PCDHA10: variants seen among roughly 807,000 people sequenced by gnomAD.
The protein encoded by PCDHA10 is protocadherin alpha-10.
PCDHA10 carries 45 observed loss-of-function variants against 61.2 expected under a neutral mutation model. That is an observed-to-expected ratio of 0.74 (90% CI 0.58 to 0.94). The LOEUF is 0.94. Ranked by LOEUF, PCDHA10 falls within the 40% of genes least tolerant of loss-of-function variation. PCDHA10 has a pLI of 0.00. For synonymous variants in PCDHA10, 602 were observed against 548.8 expected (o/e 1.10, Z -1.35); for missense variants, 1,278 against 1,236.2 (o/e 1.03, Z -0.51).
intron 3 of PCDHA10, among the ~76,000 whole-genome samples, chr5:140,998,569 G>GTT (rs71574497): frequency 0.068 from 10,108 of 149,316 alleles, 392 homozygotes; most frequent in Middle Eastern, 0.14. Flanking sequence ...TTGTAAATAA[G>GTT]TTTTTTTTTT....
At chr5:140,882,814 A>T in intron 1 of PCDHA10, 1 of 1,614,248 alleles carries the variant, frequency 6.2e-7, no homozygotes, top group East Asian at 2.2e-5. Context: ...CTTTGGACGC[A>T]CAAAACAGTC....
rs782226001 is a variant in PCDHA10 at position 140,856,559 on chromosome 5, C to T, written c.511C>T (p.Leu171Phe). The T allele has an allele frequency of 1.9e-6, 3 of 1,598,104 alleles. No individual in the cohort carries two copies. Among genetic ancestry groups the T allele is most frequent in the Non-Finnish European group, 2.6e-6 (3 of 1,167,556 alleles). The stretch of plus-strand genomic sequence containing the variant: ...AGAGAACGCATTGCTTACTTACAAA[C>T]TCAGTCCAAATGAGTATTTTGTTCT... ...VGENALLTYK[L>F]SPNEYFVLDI... Residue 171 changes from leucine (L) to phenylalanine (F), a missense_variant, in exon 1 of 4, where the codon CTC becomes TTC. By Grantham distance (22) the Leu-to-Phe change is conservative (BLOSUM62 0). Coordinates refer to ENST00000307360, the MANE Select transcript of PCDHA10 (RefSeq NM_018901.4).
chr5:140,978,721 A>C (rs2096819896), intron 1 of PCDHA10, among the ~76,000 whole-genome samples: 1 of 152,236 alleles, frequency 6.6e-6, no homozygotes, highest in African/African-American at 2.4e-5. Flanking sequence ...CAAGATTATT[A>C]AATCTGGTCT....
chr5:140,869,431 G>T lies in PCDHA10; in HGVS notation c.2388+10995G>T, dbSNP rs782430805. ...GTGCAGCATCCACCTGGAGGTGATC[G>T]TGGACAGGCCGCTGCAGGTTTTCCA... is the stretch of plus-strand genomic sequence containing the variant. On this transcript the variant is annotated intron_variant, in intron 1 of 3. Transcript: ENST00000307360. The T allele has an allele frequency of 3.7e-6, 6 of 1,614,204 alleles. No individual in the cohort carries two copies. In the South Asian group the frequency reaches 5.5e-5, roughly 15 times the overall value.
rs2094433165 is a variant in PCDHA10, at chr5:140,949,923, G to T, written c.2389-29026G>T. Among the ~76,000 whole-genome samples the T allele has an allele frequency of 2.7e-5, 4 of 150,516 alleles. No homozygotes were observed. In the South Asian group the frequency reaches 8.3e-4, roughly 31 times the overall value. On this transcript the variant is annotated intron_variant, in intron 1 of 3. Coordinates refer to ENST00000307360, the MANE Select transcript of PCDHA10 (RefSeq NM_018901.4). Reference sequence around the variant, plus strand: ...TAATTTTTAGATATAACTATTTTTAGATTTTTTTTAATTTGCATTTTTTAG... The same window carrying T: ...TAATTTTTAGATATAACTATTTTTATATTTTTTTTAATTTGCATTTTTTAG...
In PCDHA10 at chr5:141,011,894, T is replaced by G. The variant is rs1303053966; in HGVS notation, c.*1957T>G. 6.5e-6 allele frequency: 1 copy of G among 153,306 alleles called. No homozygotes were observed. The highest frequency in any genetic ancestry group is 1.5e-5 in the Non-Finnish European group (1 of 68,044). The allele number at this position is 153,306 out of a possible 1,614,324, so 9.5% of individuals were successfully genotyped here. ...AATTTAGAAGTTTGATTAATTATAT[T>G]ATCTATTTAGGCATTAATATAAAAG... On this transcript the variant is annotated 3_prime_UTR_variant, in exon 4 of 4. Transcript: ENST00000307360.
At chr5:140,963,530 A>T (rs1031416091) in intron 1 of PCDHA10, among the ~76,000 whole-genome samples, 29 of 152,216 alleles carry the variant, frequency 1.9e-4, no homozygotes, top group African/African-American at 6.8e-4. Context: ...CAGAAGTCCC[A>T]TTTACTTCAT....
In PCDHA10 at chr5:140,883,376, G is replaced by T. The variant is rs1276182742; in HGVS notation, c.2388+24940G>T. On this transcript the variant is annotated intron_variant, in intron 1 of 3. Transcript: ENST00000307360. The stretch of plus-strand genomic sequence containing the variant: ...AGACACTCAGCCTAGCGCCATTATT[G>T]CCCTAATCAGTGTGTCCGATCGTGA... 25 of 1,613,998 alleles carry T rather than the reference G, an allele frequency of 1.5e-5. No homozygotes were observed. The highest frequency in any genetic ancestry group is 2.0e-5 in the Non-Finnish European group (24 of 1,180,022).
chr5:140,868,356 T>A (rs1465427202), intron 1 of PCDHA10: 1 of 152,118 alleles, frequency 6.6e-6, no homozygotes, highest in Non-Finnish European at 1.5e-5. Flanking sequence ...AGAAAGCAAT[T>A]AAATGTAAAT....
intron 1 of PCDHA10, among the ~76,000 whole-genome samples, chr5:140,964,719 C>T (rs1042863318): frequency 1.3e-5 from 2 of 151,420 alleles, no homozygotes; most frequent in Non-Finnish European, 2.9e-5. Flanking sequence ...ATCAAATTAC[C>T]ACAGCAAACT....
intron 2 of PCDHA10, 72 bp downstream of exon 2, chr5:140,979,079 T>C (rs1019875909): frequency 9.5e-6 from 15 of 1,584,162 alleles, no homozygotes; most frequent in African/African-American, 6.8e-5. Flanking sequence ...TGCATCTCCA[T>C]AGGCCAGAAG....
At chr5:140,951,034 A>G (rs1407307131) in intron 1 of PCDHA10, among the ~76,000 whole-genome samples, 1 of 151,932 alleles carries the variant, frequency 6.6e-6, no homozygotes, top group African/African-American at 2.4e-5. Context: ...TTAATTTCAA[A>G]TATTATATTT....
rs782362205 is a variant in PCDHA10 at position 141,009,960 on chromosome 5, A to G, written c.*23A>G. The G allele has an allele frequency of 6.3e-7, 1 of 1,589,232 alleles. No homozygotes were observed. The highest frequency in any genetic ancestry group is 2.2e-5 in the East Asian group (1 of 44,694). On this transcript the variant is annotated 3_prime_UTR_variant, in exon 4 of 4. Transcript: ENST00000307360. The stretch of plus-strand genomic sequence containing the variant: ...TGAGGTCCTCAAATGGAAACAAGCC[A>G]CTTAGCCAGTTTTTGTAATAATGGC...
In PCDHA10 at chr5:140,996,798, A is replaced by G. The variant is rs528740592; in HGVS notation, c.2537-12829A>G. Among the ~76,000 whole-genome samples, 4 of 152,268 alleles carry G rather than the reference A, an allele frequency of 2.6e-5. No individual in the cohort carries two copies. In the East Asian group the frequency reaches 5.8e-4, roughly 22 times the overall value. ...AGTAGTGCCTCACTCCCTACATCCA[A>G]TCATGCTTTCCAAAAGTAACCACTA... On this transcript the variant is annotated intron_variant, in intron 3 of 3. Coordinates refer to ENST00000307360, the MANE Select transcript of PCDHA10 (RefSeq NM_018901.4).
At chr5:140,987,480 A>C (rs1489888830) in intron 3 of PCDHA10, among the ~76,000 whole-genome samples, 2 of 152,192 alleles carry the variant, frequency 1.3e-5, no homozygotes, top group African/African-American at 4.8e-5. Flanking sequence ...CTTGGGAGTC[A>C]GTGACCCTTT....
intron 1 of PCDHA10, chr5:140,928,551 G>A (rs782615304): frequency 2.5e-6 from 4 of 1,614,044 alleles, no homozygotes; most frequent in Non-Finnish European, 2.5e-6. Context: ...ACAATTATCC[G>A]GTTATCTTGT....
chr5:140,876,662 T>G (rs782771484), intron 1 of PCDHA10: 23 of 1,614,114 alleles, frequency 1.4e-5, no homozygotes, highest in Non-Finnish European at 1.9e-5. Context: ...CCCTTCAAGC[T>G]GGTGTCCACC....
rs1396431858 is a variant in PCDHA10, at chr5:141,010,083, T to C, written c.*146T>C. The C allele has an allele frequency of 1.9e-6, 3 of 1,612,132 alleles. No homozygotes were observed. The African/African-American group carries it at 4.0e-5, about 22-fold the overall frequency. On this transcript the variant is annotated 3_prime_UTR_variant, in exon 4 of 4. Coordinates refer to ENST00000307360, the MANE Select transcript of PCDHA10 (RefSeq NM_018901.4). Reference sequence around the variant, plus strand: ...CTGCAGAAAGTTCCCTGTGTCTGTCTAGAACGCATTTAACAGGTTTTGTCG... The same window carrying C: ...CTGCAGAAAGTTCCCTGTGTCTGTCCAGAACGCATTTAACAGGTTTTGTCG...
chr5:140,966,641 A>T, intron 1 of PCDHA10: 1 of 1,104,530 alleles, frequency 9.1e-7, no homozygotes, highest in South Asian at 2.2e-5. Flanking sequence ...GGCGCTTTCT[A>T]GAGCGTGAGC....
Sources: gnomAD v4.1 joint callset for allele counts (sites outside exome capture counted in the v4.1 genomes callset) on GRCh38, gnomAD v4.1.1 for gene constraint, MANE v1.5 for transcripts, NCBI Gene and HGNC (gene_info 2026-07-23, HGNC 2026-07-21) for gene names.